The following VPS54 variants were observed in gnomAD, a reference collection of about 807,000 sequenced individuals.
The protein encoded by VPS54 is VPS54 subunit of GARP complex.
VPS54 carries 45 observed loss-of-function variants against 121.5 expected under a neutral mutation model. The observed-to-expected ratio is 0.37, with a 90% CI of 0.29 to 0.47. The LOEUF (loss-of-function observed/expected upper bound fraction) is 0.47, where lower values mean the gene tolerates loss of function less well. Ranked by LOEUF, VPS54 falls within the 20% of genes least tolerant of loss-of-function variation. The probability of loss-of-function intolerance (pLI) is 0.99; values close to 1 mark genes in which losing one functional copy is unlikely to be tolerated. For synonymous variants in VPS54, 371 were observed against 385.8 expected (o/e 0.96, Z 0.45); for missense variants, 1,090 against 1,131.4 (o/e 0.96, Z 0.52).
chr2:63,893,233 TAGGATGC>T lies in VPS54; in HGVS notation c.*190_*196del. The T allele has an allele frequency of 1.5e-6, 1 of 667,750 alleles. No individual in the cohort carries two copies. Among genetic ancestry groups the T allele is most frequent in the Admixed American group, 2.1e-5 (1 of 47,660 alleles). The allele number at this position is 667,750 out of a possible 1,614,324, so 41.4% of individuals were successfully genotyped here. On this transcript the variant is annotated 3_prime_UTR_variant, in exon 23 of 23. Coordinates refer to ENST00000272322, the MANE Select transcript of VPS54 (RefSeq NM_016516.3). Reference sequence around the variant, plus strand: ...ACACCTGATCAGTTACTCCTCACTGTAGGATGCACAAAAATGACATTCCTTGTAGATC... The same window carrying T: ...ACACCTGATCAGTTACTCCTCACTGTACAAAAATGACATTCCTTGTAGATC...
At chr2:63,969,348 G>A (rs930078539) in intron 4 of VPS54, among the ~76,000 whole-genome samples, 5 of 152,178 alleles carry the variant, frequency 3.3e-5, no homozygotes, top group Non-Finnish European at 5.9e-5. Context: ...GTGGGCACAA[G>A]CAAAGCTTCA....
chr2:63,944,591 T>A lies in VPS54; in HGVS notation c.1301+9A>T. 6.2e-7 allele frequency: 1 copy of A among 1,604,532 alleles called. No homozygotes were observed. The highest frequency in any genetic ancestry group is 8.5e-7 in the Non-Finnish European group (1 of 1,173,218). On this transcript the variant is annotated intron_variant, in intron 10 of 22. Transcript: ENST00000272322. The stretch of plus-strand genomic sequence containing the variant: ...ACTGATAACCACCAACCTATATATT[T>A]ATACTTACTTCACAACAACATCTGT...
intron 12 of VPS54, among the ~76,000 whole-genome samples, chr2:63,929,160 C>T (rs1161924871): frequency 3.9e-5 from 6 of 152,090 alleles, no homozygotes; most frequent in African/African-American, 1.2e-4. Flanking sequence ...CTGGACCAAA[C>T]GGACCTAATA....
chr2:64,000,554 G>T (rs1677822327), intron 1 of VPS54, among the ~76,000 whole-genome samples: 1 of 152,222 alleles, frequency 6.6e-6, no homozygotes, highest in Admixed American at 6.5e-5. Context: ...ATACTCTAAT[G>T]GATTTGGGTG....
At chr2:63,942,614 A>G (rs570703095) in intron 10 of VPS54, 53 bp from the exon 11 acceptor site, 30 of 1,408,476 alleles carry the variant, frequency 2.1e-5, no homozygotes, top group South Asian at 8.0e-5. Context: ...GCCAATCAAT[A>G]TAACATCTAC....
intron 1 of VPS54, among the ~76,000 whole-genome samples, chr2:63,985,521 CAAAGAT>C (rs1438100162): frequency 6.6e-6 from 1 of 152,106 alleles, no homozygotes; most frequent in Admixed American, 6.5e-5. Flanking sequence ...TAAAAATACA[CAAAGAT>C]AAACAACTTC....
At chr2:63,995,756 C>T (rs923234168) in intron 1 of VPS54, among the ~76,000 whole-genome samples, 4 of 152,206 alleles carry the variant, frequency 2.6e-5, no homozygotes, top group African/African-American at 9.7e-5. Context: ...TTCAGATTTC[C>T]GTATCACCCT....
chr2:63,914,772 GAAAAA>G (rs770791968), intron 16 of VPS54, among the ~76,000 whole-genome samples: 1 of 144,546 alleles, frequency 6.9e-6, no homozygotes, highest in African/African-American at 2.5e-5. Context: ...TAGTGAGATG[GAAAAA>G]AAAAAAATCT....
At chr2:63,993,053 A>G (rs181445938) in intron 1 of VPS54, among the ~76,000 whole-genome samples, 1 of 152,306 alleles carries the variant, frequency 6.6e-6, no homozygotes, top group African/African-American at 2.4e-5. Flanking sequence ...CCCCACTGAT[A>G]AAGAATTGAC....
intron 1 of VPS54, among the ~76,000 whole-genome samples, chr2:64,001,994 G>A (rs1198012121): frequency 6.6e-6 from 1 of 152,188 alleles, no homozygotes; most frequent in Admixed American, 6.5e-5. Flanking sequence ...AGCCCACAGT[G>A]GCAAGGCTTG....
chr2:63,979,624 A>T (rs948173308), intron 3 of VPS54, among the ~76,000 whole-genome samples: 1 of 152,206 alleles, frequency 6.6e-6, no homozygotes, highest in African/African-American at 2.4e-5. Context: ...TCAGTGCTAC[A>T]AATTTCTCCC....
intron 11 of VPS54, among the ~76,000 whole-genome samples, chr2:63,938,757 G>T (rs187719985): frequency 6.4e-4 from 97 of 152,244 alleles, no homozygotes; most frequent in African/African-American, 2.2e-3. Context: ...GAGCCACCAC[G>T]CCAGGCCCAG....
chr2:63,979,055 AATCTGTAGT>A (rs1382034958), intron 3 of VPS54, among the ~76,000 whole-genome samples: 2 of 152,178 alleles, frequency 1.3e-5, no homozygotes, highest in African/African-American at 2.4e-5. Context: ...ATCTCTGTAG[AATCTGTAGT>A]GATATCACCT....
chr2:63,913,894 T>C, intron 17 of VPS54: 2 of 1,147,712 alleles, frequency 1.7e-6, no homozygotes, highest in Non-Finnish European at 2.1e-6. Flanking sequence ...TCCAGGTTTT[T>C]TGACCTAAGT....
chr2:63,916,746 T>A (rs545475957), intron 16 of VPS54, among the ~76,000 whole-genome samples, 154 bp downstream of exon 16: 2 of 152,266 alleles, frequency 1.3e-5, no homozygotes, highest in Non-Finnish European at 2.9e-5. Flanking sequence ...CCATAAAGTT[T>A]CCTTTAAGTT....
rs1245677075 is a variant in VPS54 at position 63,962,848 on chromosome 2, ACAC to A, written c.625-408_625-406del. 3.3e-5 allele frequency among the ~76,000 whole-genome samples: 5 copies of A among 152,258 alleles called. No individual in the cohort carries two copies. In the East Asian group the frequency reaches 9.6e-4, roughly 29 times the overall value. On this transcript the variant is annotated intron_variant, in intron 6 of 22. Transcript: ENST00000272322. Reference sequence around the variant, plus strand: ...CATTTATCTGACTAAATAGATGATTACACCTTCCATTTATTGACCTCCTCCTAT... The same window carrying A: ...CATTTATCTGACTAAATAGATGATTACTTCCATTTATTGACCTCCTCCTAT...
rs1473174389 is a variant in VPS54, at chr2:63,912,582, A to G, written c.2502T>C (p.Pro834=). Residue 834 remains proline, a synonymous_variant, in exon 19 of 23, where the codon CCT becomes CCC. Transcript: ENST00000272322. ...IRAHFEARLP[P]KQYSMLRHFD... is the part of the protein sequence containing the mutation. ...AATGCCTAAGCATGCTATATTGCTT[A>G]GGTGGTAGTCGAGCTTCAAAATGAG... 5 of 1,600,956 alleles carry G rather than the reference A, an allele frequency of 3.1e-6. No homozygotes were observed. The highest frequency in any genetic ancestry group is 4.2e-6 in the Non-Finnish European group (5 of 1,176,980).
At chr2:63,971,903 G>C (rs1676300475) in intron 4 of VPS54, among the ~76,000 whole-genome samples, 1 of 152,088 alleles carries the variant, frequency 6.6e-6, no homozygotes, top group Non-Finnish European at 1.5e-5. Flanking sequence ...ATCATGTCTA[G>C]CTTACTCATC....
At chr2:64,006,327 G>C (rs1320317622) in intron 1 of VPS54, among the ~76,000 whole-genome samples, 1 of 152,078 alleles carries the variant, frequency 6.6e-6, no homozygotes, top group African/African-American at 2.4e-5. Context: ...ATATTTCCTT[G>C]TTTGTATTAA....
Sources: allele counts gnomAD v4.1 joint callset (sites outside exome capture counted in the v4.1 genomes callset), GRCh38; gene constraint gnomAD v4.1.1; transcripts MANE v1.5; gene names NCBI Gene and HGNC (gene_info 2026-07-23, HGNC 2026-07-21).